The following PLCG1 variants were observed in gnomAD, a reference collection of about 807,000 sequenced individuals.
PLCG1 encodes the protein phospholipase C gamma 1.
In PLCG1, 71 loss-of-function variants were observed where a neutral mutation model predicts 177.8. That is an observed-to-expected ratio of 0.40 (90% CI 0.33 to 0.49). The LOEUF is 0.49. Ranked by LOEUF, PLCG1 falls within the 20% of genes least tolerant of loss-of-function variation. The pLI is 0.72. For missense variants in PLCG1, 1,281 were observed against 1,709.0 expected, an observed-to-expected ratio of 0.75 and a Z score of 4.42; for synonymous variants, 658 against 647.9, an observed-to-expected ratio of 1.02 and a Z score of -0.24.
At position 41,166,197 on chromosome 20, in the gene PLCG1, G is replaced by A; in HGVS notation, c.1803G>A (p.Arg601=). The A allele has an allele frequency of 6.2e-7, 1 of 1,612,772 alleles. No homozygotes were observed. Among genetic ancestry groups the A allele is most frequent in the Non-Finnish European group, 8.5e-7 (1 of 1,179,924 alleles). ...FVGDYTLSFW[R]NGKVQHCRIH... ...CCTCACTCTGTGTCTTCCACAGGCG[G>A]AACGGGAAAGTCCAGCACTGCCGTA... Residue 601 remains arginine, a synonymous_variant, in exon 17 of 32, where the codon CGG becomes CGA. Coordinates refer to ENST00000685551, the MANE Select transcript of PLCG1 (RefSeq NM_002660.3). The surrounding 1 kb of genome is among the most constrained non-coding windows in gnomAD (Gnocchi z 8.6).
At position 41,166,420 on chromosome 20, in the gene PLCG1, A is replaced by G. The variant is rs1275365196; in HGVS notation, c.2000+26A>G. 6.2e-7 allele frequency: 1 copy of G among 1,613,978 alleles called. No homozygotes were observed. Among genetic ancestry groups the G allele is most frequent in the Admixed American group, 1.7e-5 (1 of 60,022 alleles). On this transcript the variant is annotated intron_variant, in intron 17 of 31. Transcript: ENST00000685551. The surrounding 1 kb of genome is among the most constrained non-coding windows in gnomAD (Gnocchi z 8.6). ...GTGAGGGAAGGGCCTGGGGGCGGAC[A>G]AGGCAGGGCAGGGCCATGGGTGGTG... is the stretch of plus-strand genomic sequence containing the variant.
chr20:41,164,936 C>T lies in PLCG1; in HGVS notation c.1221C>T (p.Tyr407=). 1 of 1,613,186 alleles carries T rather than the reference C, an allele frequency of 6.2e-7. No individual in the cohort carries two copies. The highest frequency in any genetic ancestry group is 1.1e-5 in the South Asian group (1 of 90,988). The change falls in exon 13 of 32, where the codon TAC becomes TAT. Residue 407 remains tyrosine (Y), a synonymous_variant. Coordinates refer to ENST00000685551, the MANE Select transcript of PLCG1 (RefSeq NM_002660.3). The surrounding 1 kb of genome is among the most constrained non-coding windows in gnomAD (Gnocchi z 6.4). ...IKEHAFVASE[Y]PVILSIEDHC... is the part of the protein sequence containing the mutation. ...GTGCTTGTCCCCCATCCCGCAGGTA[C>T]CCAGTCATCCTGTCCATTGAGGACC...
Position 41,172,428 on chromosome 20 carries a change from C to T in PLCG1, c.2913C>T (p.Gly971=). ...RPVPFDEEKI[G]TERACYRDMS... ...TTTCCCTGTTTGGCCCAGAGATTGG[C>T]ACAGAACGTGCTTGCTACCGGGACA... The change falls in exon 26 of 32, where the codon GGC becomes GGT. Residue 971 remains glycine (G), a synonymous_variant. Coordinates refer to ENST00000685551, the MANE Select transcript of PLCG1 (RefSeq NM_002660.3). The surrounding 1 kb of genome is among the most constrained non-coding windows in gnomAD (Gnocchi z 7.0). 6.2e-7 allele frequency: 1 copy of T among 1,613,962 alleles called. No homozygotes were observed. The highest frequency in any genetic ancestry group is 8.5e-7 in the Non-Finnish European group (1 of 1,179,846).
chr20:41,166,755 A>T lies in PLCG1; in HGVS notation c.2197A>T (p.Ser733Cys). The change falls in exon 19 of 32, where the codon AGC becomes TGC. Residue 733 changes from serine (S) to cysteine (C), a missense_variant. Physicochemically the swap from Ser to Cys is moderately radical, Grantham distance 112 (BLOSUM62 -1). Around this residue, in one of 4 missense-constraint regions of PLCG1, gnomAD observed 723 missense variants for 1,030.0 expected, o/e 0.70. Coordinates refer to ENST00000685551, the MANE Select transcript of PLCG1 (RefSeq NM_002660.3). This position sits in a 1 kb window ranked among gnomAD's most constrained non-coding sequence, Gnocchi z 8.6. The stretch of plus-strand genomic sequence containing the variant: ...GATGCTAGGGAACTCGGAGTTCGAC[A>T]GCCTTGTTGACCTCATCAGCTACTA... The part of the protein sequence containing the change: ...TVMLGNSEFD[S>C]LVDLISYYEK... 1 of 1,614,144 alleles carries T rather than the reference A, an allele frequency of 6.2e-7. No homozygotes were observed. The highest frequency in any genetic ancestry group is 2.2e-5 in the East Asian group (1 of 44,890).
intron 23 of PLCG1, 114 bp downstream of exon 23, chr20:41,169,640 A>G: frequency 1.2e-6 from 1 of 802,168 alleles, no homozygotes; most frequent in Non-Finnish European, 2.1e-6. Flanking sequence ...GTCTGCCCTC[A>G]CTCCAAGCTC....
Position 41,172,452 on chromosome 20 carries a change from C to T in PLCG1, c.2937C>T (p.Asp979=), listed in dbSNP as rs748661629. 4.3e-6 allele frequency: 7 copies of T among 1,614,144 alleles called. No individual in the cohort carries two copies. In the Admixed American group the frequency reaches 1.2e-4, roughly 27 times the overall value. ...GCACAGAACGTGCTTGCTACCGGGA[C>T]ATGTCATCCTTCCCGGAAACCAAGG... is the stretch of plus-strand genomic sequence containing the variant. The part of the protein sequence containing the change: ...KIGTERACYR[D]MSSFPETKAE... Residue 979 remains aspartate (D), a synonymous_variant, in exon 26 of 32, where the codon GAC becomes GAT. Coordinates refer to ENST00000685551, the MANE Select transcript of PLCG1 (RefSeq NM_002660.3). The surrounding 1 kb of genome is among the most constrained non-coding windows in gnomAD (Gnocchi z 7.0).
chr20:41,149,848 C>T (rs918745204), intron 1 of PLCG1, among the ~76,000 whole-genome samples: 9 of 152,068 alleles, frequency 5.9e-5, no homozygotes, highest in South Asian at 2.1e-4. Flanking sequence ...GGAGAGAGGG[C>T]GTGATCAACC....
intron 4 of PLCG1, among the ~76,000 whole-genome samples, chr20:41,161,398 A>T (rs1275270094): frequency 6.6e-6 from 1 of 152,172 alleles, no homozygotes; most frequent in African/African-American, 2.4e-5. Flanking sequence ...CAGTAGCTGG[A>T]GAGCTAAGCA....
Position 41,164,203 on chromosome 20 carries a change from T to C in PLCG1, c.1217+2T>C. 6.2e-7 allele frequency: 1 copy of C among 1,613,870 alleles called. No individual in the cohort carries two copies. The highest frequency in any genetic ancestry group is 8.5e-7 in the Non-Finnish European group (1 of 1,179,940). Reference sequence around the variant, plus strand: ...GGAGCATGCCTTTGTGGCCTCAGAGTGAGTCGGAGGCTGGATGACCCAGGG... The same window carrying C: ...GGAGCATGCCTTTGTGGCCTCAGAGCGAGTCGGAGGCTGGATGACCCAGGG... On this transcript the variant is annotated splice_donor_variant, in intron 12 of 31. Transcript: ENST00000685551. LOFTEE classifies it high-confidence loss of function. This position sits in a 1 kb window ranked among gnomAD's most constrained non-coding sequence, Gnocchi z 6.4.
chr20:41,138,123 C>A (rs1346710677), intron 1 of PLCG1: 2 of 312,822 alleles, frequency 6.4e-6, no homozygotes, highest in Non-Finnish European at 1.2e-5. Flanking sequence ...CCTAAAAATC[C>A]TCGCGGGCTG....
rs2035710074 is a variant in PLCG1 at position 41,166,794 on chromosome 20, C to G, written c.2236C>G (p.Leu746Val). 1 of 1,614,152 alleles carries G rather than the reference C, an allele frequency of 6.2e-7. No individual in the cohort carries two copies. The highest frequency in any genetic ancestry group is 8.5e-7 in the Non-Finnish European group (1 of 1,180,012). Reference protein sequence around the residue: ...DLISYYEKHPLYRKMKLRYPI... With the variant: ...DLISYYEKHPVYRKMKLRYPI... ...CATCAGCTACTATGAGAAACACCCGCTATACCGCAAGATGAAGCTGCGCTA... is the reference window on the plus strand; with the variant it reads ...CATCAGCTACTATGAGAAACACCCGGTATACCGCAAGATGAAGCTGCGCTA... The change falls in exon 19 of 32, where the codon CTA becomes GTA. Residue 746 changes from leucine (L) to valine (V), a missense_variant. By Grantham distance (32) the Leu-to-Val change is conservative. This residue lies in a region of PLCG1 where 723 missense variants were observed against 1,030.0 expected (regional missense o/e 0.70). Coordinates refer to ENST00000685551, the MANE Select transcript of PLCG1 (RefSeq NM_002660.3). The surrounding 1 kb of genome is among the most constrained non-coding windows in gnomAD (Gnocchi z 8.6).
chr20:41,169,375 T>C, intron 22 of PLCG1, 82 bp from the exon 23 acceptor site: 1 of 1,135,086 alleles, frequency 8.8e-7, no homozygotes, highest in Non-Finnish European at 1.3e-6. Flanking sequence ...CCACAAGATG[T>C]ATTTGTCCCA....
chr20:41,176,484 G>T lies in PLCG1; in HGVS notation c.*1975G>T, dbSNP rs1323708667. ...GGACTGTGTAGGCCCTTCTGTTAGG[G>T]CCCATCCACGTTGGTTAGGACGTCC... is the stretch of plus-strand genomic sequence containing the variant. On this transcript the variant is annotated 3_prime_UTR_variant, in exon 32 of 32. Transcript: ENST00000685551. 6.6e-6 allele frequency: 1 copy of T among 152,186 alleles called. No homozygotes were observed. Among genetic ancestry groups the T allele is most frequent in the Non-Finnish European group, 1.5e-5 (1 of 68,048 alleles). The allele number at this position is 152,186 out of a possible 1,614,324, so 9.4% of individuals were successfully genotyped here.
In PLCG1 at chr20:41,159,974, C is replaced by G; in HGVS notation, c.464+11C>G. On this transcript the variant is annotated intron_variant, in intron 3 of 31. Coordinates refer to ENST00000685551, the MANE Select transcript of PLCG1 (RefSeq NM_002660.3). The surrounding 1 kb of genome is among the most constrained non-coding windows in gnomAD (Gnocchi z 6.0). ...CCTGCAGATTGAGAGGTAAGAACCA[C>G]TCCTGAAGGGGTTAGGGCTGGGAGC... The G allele has an allele frequency of 6.2e-7, 1 of 1,610,830 alleles. No homozygotes were observed. The highest frequency in any genetic ancestry group is 8.5e-7 in the Non-Finnish European group (1 of 1,176,962).
At position 41,176,527 on chromosome 20, in the gene PLCG1, G is replaced by GTTGA. The variant is rs1040551274; in HGVS notation, c.*2019_*2022dup. On this transcript the variant is annotated 3_prime_UTR_variant, in exon 32 of 32. Transcript: ENST00000685551. The stretch of plus-strand genomic sequence containing the variant: ...GGACGTCCTTGGCGTGTTTGTTAGT[G>GTTGA]TTGACCCTTTTAGTTTTCATCAATA... 3.3e-5 allele frequency: 5 copies of GTTGA among 152,176 alleles called. No individual in the cohort carries two copies. The highest frequency in any genetic ancestry group is 1.2e-4 in the African/African-American group (5 of 41,452). The allele number at this position is 152,176 out of a possible 1,614,324, so 9.4% of individuals were successfully genotyped here. A position where few individuals can be genotyped will look rare whatever the true frequency, so the allele number is the denominator to read the frequency against.
chr20:41,170,250 C>G lies in PLCG1; in HGVS notation c.2789C>G (p.Ala930Gly). 6.2e-7 allele frequency: 1 copy of G among 1,614,100 alleles called. No individual in the cohort carries two copies. Among genetic ancestry groups the G allele is most frequent in the Non-Finnish European group, 8.5e-7 (1 of 1,179,990 alleles). ...TGGGTGAAAAAGATCCGTGAAGTGG[C>G]CCAGACAGCAGACGCCAGGGTGAGA... ...QDWVKKIREVAQTADARLTEG... is the reference protein window; with the variant it reads ...QDWVKKIREVGQTADARLTEG... Residue 930 changes from alanine (A) to glycine (G), a missense_variant, in exon 24 of 32, where the codon GCC becomes GGC. Coordinates refer to ENST00000685551, the MANE Select transcript of PLCG1 (RefSeq NM_002660.3).
chr20:41,163,143 TC>T lies in PLCG1; in HGVS notation c.717-58del. On this transcript the variant is annotated intron_variant, in intron 7 of 31. Transcript: ENST00000685551. This position sits in a 1 kb window ranked among gnomAD's most constrained non-coding sequence, Gnocchi z 5.2. ...GCTGGCTGGGAGTTGGGTTCTGCCT[TC>T]CGTGGGGCACCTTGTTGTCTGTTGA... 6.5e-7 allele frequency: 1 copy of T among 1,529,280 alleles called. No individual in the cohort carries two copies. The highest frequency in any genetic ancestry group is 8.9e-7 in the Non-Finnish European group (1 of 1,120,766). The allele number at this position is 1,529,280 out of a possible 1,614,324, so 94.7% of individuals were successfully genotyped here.
rs1483569372 is a variant in PLCG1, at chr20:41,151,331, CCT to C, written c.218-8272_218-8271del. ...ATGACCATGACAAGACCCTTTGGAC[CCT>C]CTGTTTCCTCATTGTTTCAAAGAGA... On this transcript the variant is annotated intron_variant, in intron 1 of 31. Coordinates refer to ENST00000685551, the MANE Select transcript of PLCG1 (RefSeq NM_002660.3). The surrounding 1 kb of genome is among the most constrained non-coding windows in gnomAD (Gnocchi z 5.5). Among the ~76,000 whole-genome samples, 1 of 152,262 alleles carries C rather than the reference CCT, an allele frequency of 6.6e-6. No individual in the cohort carries two copies. The highest frequency in any genetic ancestry group is 2.4e-5 in the African/African-American group (1 of 41,540).
chr20:41,173,014 T>C lies in PLCG1; in HGVS notation c.3279+137T>C, dbSNP rs1021903388. ...GTGGGTGGGGCCTGAGCTGAGTCTTTGAAGGGGTGAAGATAGCATGCAGTC... is the reference window on the plus strand; with the variant it reads ...GTGGGTGGGGCCTGAGCTGAGTCTTCGAAGGGGTGAAGATAGCATGCAGTC... On this transcript the variant is annotated intron_variant, in intron 27 of 31. Coordinates refer to ENST00000685551, the MANE Select transcript of PLCG1 (RefSeq NM_002660.3). This position sits in a 1 kb window ranked among gnomAD's most constrained non-coding sequence, Gnocchi z 6.2. 7.5e-6 allele frequency: 6 copies of C among 795,516 alleles called. No individual in the cohort carries two copies. The South Asian group carries it at 8.6e-5, about 11-fold the overall frequency. The allele number at this position is 795,516 out of a possible 1,614,324, so 49.3% of individuals were successfully genotyped here.
Sources: gnomAD v4.1 joint callset for allele counts (sites outside exome capture counted in the v4.1 genomes callset) on GRCh38, gnomAD v4.1.1 for gene constraint, gnomAD v4.1.1 regional missense constraint, Gnocchi (gnomAD v3.1) non-coding constraint, MANE v1.5 for transcripts, NCBI Gene and HGNC (gene_info 2026-07-23, HGNC 2026-07-21) for gene names.